WDR70: variants seen among roughly 807,000 people sequenced by gnomAD.
WDR70 encodes WD repeat domain 70, also known as WD repeat-containing protein 70.
Under a neutral mutation model 88.6 loss-of-function variants are expected in WDR70, and 53 were observed. The ratio of observed to expected loss-of-function variants is 0.60; its 90% CI spans 0.48 to 0.75. The LOEUF is 0.75. Ranked by LOEUF, WDR70 falls within the 30% of genes least tolerant of loss-of-function variation. The probability of loss-of-function intolerance (pLI) is 0.00; values close to 1 mark genes in which losing one functional copy is unlikely to be tolerated. For missense variants in WDR70, 610 were observed against 823.2 expected (o/e 0.74, Z 3.17); for synonymous variants, 280 against 270.0 (o/e 1.04, Z -0.36).
intron 9 of WDR70, among the ~76,000 whole-genome samples, chr5:37,547,990 T>G (rs1048640438): frequency 6.6e-6 from 1 of 152,208 alleles, no homozygotes; most frequent in Admixed American, 6.5e-5. Flanking sequence ...TTCTTTCTTA[T>G]GGCTGAATAG....
intron 8 of WDR70, among the ~76,000 whole-genome samples, chr5:37,509,563 T>A (rs1392643339): frequency 1.3e-5 from 2 of 152,172 alleles, no homozygotes; most frequent in African/African-American, 4.8e-5. Flanking sequence ...ATTTTTAAAA[T>A]ATCTGATGAA....
intron 9 of WDR70, among the ~76,000 whole-genome samples, chr5:37,517,539 G>A (rs1435999526): frequency 2.0e-5 from 3 of 151,844 alleles, no homozygotes; most frequent in Non-Finnish European, 4.4e-5. Flanking sequence ...GGCTAATTTT[G>A]TATTTTTAGT....
chr5:37,630,256 T>C (rs116572695), intron 10 of WDR70, among the ~76,000 whole-genome samples: 5,663 of 152,248 alleles, frequency 0.037, 350 homozygotes, highest in African/African-American at 0.13. Flanking sequence ...TGTAGTTGCT[T>C]GGCTAGACTA....
intron 9 of WDR70, among the ~76,000 whole-genome samples, chr5:37,557,961 T>TCAAAAGA: frequency 6.7e-6 from 1 of 148,396 alleles, no homozygotes; most frequent in Admixed American, 6.7e-5. Flanking sequence ...AAGAGTATTA[T>TCAAAAGA]GTATATTTAT....
chr5:37,617,255 C>T (rs1489874861), intron 10 of WDR70, among the ~76,000 whole-genome samples: 2 of 152,152 alleles, frequency 1.3e-5, no homozygotes, highest in Non-Finnish European at 2.9e-5. Context: ...GGAACTCTGA[C>T]TCTAGAATAT....
intron 10 of WDR70, among the ~76,000 whole-genome samples, chr5:37,614,325 A>G (rs887987563): frequency 1.3e-5 from 2 of 152,024 alleles, no homozygotes; most frequent in African/African-American, 2.4e-5. Flanking sequence ...CTTTTTAAAG[A>G]CCCCTGTGAT....
At chr5:37,388,063 T>A (rs1241218242) in intron 3 of WDR70, among the ~76,000 whole-genome samples, 5 of 152,154 alleles carry the variant, frequency 3.3e-5, no homozygotes, top group South Asian at 2.1e-4. Flanking sequence ...AAATTTTTTT[T>A]AATGTTTTTT....
intron 9 of WDR70, among the ~76,000 whole-genome samples, chr5:37,596,495 C>T (rs889930131): frequency 3.9e-5 from 6 of 152,058 alleles, no homozygotes; most frequent in African/African-American, 4.8e-5. Context: ...AAGAAGTCTC[C>T]GAAAGAAGGT....
intron 10 of WDR70, among the ~76,000 whole-genome samples, chr5:37,610,343 A>T (rs1451598083): frequency 6.6e-6 from 1 of 151,718 alleles, no homozygotes; most frequent in Non-Finnish European, 1.5e-5. Context: ...AGCATAAAAT[A>T]GTAGATATAG....
intron 7 of WDR70, among the ~76,000 whole-genome samples, chr5:37,475,551 T>A (rs759873082): frequency 5.3e-4 from 80 of 152,204 alleles, no homozygotes; most frequent in Non-Finnish European, 1.5e-4. Flanking sequence ...ATTCCTTGAT[T>A]TTCAAGGCCA....
chr5:37,728,716 T>C (rs949602242), intron 17 of WDR70, among the ~76,000 whole-genome samples: 1 of 152,210 alleles, frequency 6.6e-6, no homozygotes. Flanking sequence ...GTTTCTCCAC[T>C]GTAAAGATGC....
chr5:37,621,663 T>C (rs1188595106), intron 10 of WDR70, among the ~76,000 whole-genome samples: 2 of 152,220 alleles, frequency 1.3e-5, no homozygotes, highest in Non-Finnish European at 2.9e-5. Context: ...AAAAATTTTC[T>C]CCCATTCTGT....
At chr5:37,742,163 C>T (rs1561100882) in intron 17 of WDR70, among the ~76,000 whole-genome samples, 1 of 151,928 alleles carries the variant, frequency 6.6e-6, no homozygotes, top group Non-Finnish European at 1.5e-5. Context: ...GGAACCACTA[C>T]ACTGTTTTCC....
intron 17 of WDR70, among the ~76,000 whole-genome samples, chr5:37,732,260 A>G (rs1008148351): frequency 6.6e-6 from 1 of 152,148 alleles, no homozygotes; most frequent in Non-Finnish European, 1.5e-5. Context: ...GCAGGTATAT[A>G]GCATGTTTTA....
At chr5:37,528,903 AG>A (rs746669315) in intron 9 of WDR70, among the ~76,000 whole-genome samples, 3,419 of 87,102 alleles carry the variant, frequency 0.039, 82 homozygotes, top group South Asian at 0.12. Context: ...CAATGTCTAG[AG>A]GGGGTTTTTT....
chr5:37,694,246 G>A (rs1052836921), intron 10 of WDR70, among the ~76,000 whole-genome samples: 1 of 152,198 alleles, frequency 6.6e-6, no homozygotes, highest in African/African-American at 2.4e-5. Context: ...TTGCACTGTT[G>A]GTGAGAGTTT....
chr5:37,472,346 AT>A (rs1194004700), intron 7 of WDR70, among the ~76,000 whole-genome samples: 1 of 151,636 alleles, frequency 6.6e-6, no homozygotes, highest in Non-Finnish European at 1.5e-5. Flanking sequence ...ATATTTTCCT[AT>A]TTTTTTGACT....
At chr5:37,713,426 T>C (rs1327398419) in intron 13 of WDR70, among the ~76,000 whole-genome samples, 1 of 152,168 alleles carries the variant, frequency 6.6e-6, no homozygotes, top group Non-Finnish European at 1.5e-5. Context: ...GTGTATCCCT[T>C]TTGATTAAAC....
intron 13 of WDR70, among the ~76,000 whole-genome samples, chr5:37,715,454 T>C (rs1173517594): frequency 6.6e-6 from 1 of 151,980 alleles, no homozygotes. Flanking sequence ...CTTAGCAAGA[T>C]GTGTAGAGAA....
Sources: gnomAD v4.1 joint callset for allele counts (sites outside exome capture counted in the v4.1 genomes callset) on GRCh38, gnomAD v4.1.1 for gene constraint, MANE v1.5 for transcripts, NCBI Gene and HGNC (gene_info 2026-07-23, HGNC 2026-07-21) for gene names.